Variants in MORN5 observed in about 807,000 individuals in gnomAD.
MORN5 encodes MORN repeat-containing protein 5.
In MORN5, 21 loss-of-function variants were observed where a neutral mutation model predicts 22.1. The observed-to-expected ratio is 0.95, with a 90% confidence interval of 0.67 to 1.37. The LOEUF (loss-of-function observed/expected upper bound fraction) is 1.37, where lower values mean the gene tolerates loss of function less well. Among genes scored for constraint, MORN5 ranks in the 40% most tolerant of loss-of-function variants. The pLI is 0.00. For missense variants in MORN5, 211 were observed against 215.1 expected, an observed-to-expected ratio of 0.98 and a Z score of 0.12; for synonymous variants, 73 against 74.0, an observed-to-expected ratio of 0.99 and a Z score of 0.07.
In MORN5 at chr9:122,191,047, T is replaced by A. The variant is rs7863140; in HGVS notation, c.440-8838T>A. Among the ~76,000 whole-genome samples the A allele has an allele frequency of 9.7e-4, 148 of 152,076 alleles. 1 individual carries two copies. The highest frequency in any genetic ancestry group is 3.4e-3 in the African/African-American group (140 of 41,498). The stretch of plus-strand genomic sequence containing the variant: ...AGACGACAGCCCCTATGACAGAAGC[T>A]TCCTTCCTCCAGGTCCTGGTCCAGC... On this transcript the variant is annotated intron_variant, in intron 4 of 4. Coordinates refer to ENST00000373764, the MANE Select transcript of MORN5 (RefSeq NM_198469.4).
chr9:122,162,257 C>T (rs1199208347), intron 1 of MORN5, among the ~76,000 whole-genome samples: 2 of 150,682 alleles, frequency 1.3e-5, no homozygotes, highest in Admixed American at 7.2e-5. Flanking sequence ...ATGGTAGATA[C>T]TCAATCAATT....
At chr9:122,168,611 G>A (rs2118746125) in intron 2 of MORN5, among the ~76,000 whole-genome samples, 1 of 152,276 alleles carries the variant, frequency 6.6e-6, no homozygotes, top group African/African-American at 2.4e-5. Context: ...TGATGCCCAG[G>A]CCAATGCAAT....
chr9:122,194,913 G>A (rs1302974746), intron 4 of MORN5, among the ~76,000 whole-genome samples: 3 of 151,972 alleles, frequency 2.0e-5, no homozygotes, highest in African/African-American at 2.4e-5. Context: ...CCAGCTACTC[G>A]GGAGGCTGAA....
In MORN5 at chr9:122,159,999, C is replaced by T. The variant is rs757986958; in HGVS notation, c.27C>T (p.Ile9=). The T allele has an allele frequency of 1.2e-6, 2 of 1,613,800 alleles. No individual in the cohort carries two copies. Among genetic ancestry groups the T allele is most frequent in the African/African-American group, 2.7e-5 (2 of 74,914 alleles). ...TGGAGTACACAGGGAGCAAATATAT[C>T]GGGGAATATGTAGATGGGAGGTAAG... MEYTGSKY[I]GEYVDGRMEG... is the part of the protein sequence containing the mutation. The change falls in exon 1 of 5, where the codon ATC becomes ATT. Residue 9 remains isoleucine (I), a synonymous_variant. Coordinates refer to ENST00000373764, the MANE Select transcript of MORN5 (RefSeq NM_198469.4).
chr9:122,173,988 T>C (rs1488697024), intron 3 of MORN5, among the ~76,000 whole-genome samples: 1 of 151,996 alleles, frequency 6.6e-6, no homozygotes, highest in Non-Finnish European at 1.5e-5. Flanking sequence ...TTGGCAAGAG[T>C]CAAAGTTCTC....
chr9:122,199,966 C>G lies in MORN5; in HGVS notation c.*35C>G. 2 of 1,611,918 alleles carry G rather than the reference C, an allele frequency of 1.2e-6. No homozygotes were observed. The highest frequency in any genetic ancestry group is 1.7e-6 in the Non-Finnish European group (2 of 1,177,974). On this transcript the variant is annotated 3_prime_UTR_variant, in exon 5 of 5. Coordinates refer to ENST00000373764, the MANE Select transcript of MORN5 (RefSeq NM_198469.4). ...GTGGGTCACAGGCCCGAGCCGTGAA[C>G]TCTGTGGCTGCCTCCACCAGAGGTT...
intron 4 of MORN5, among the ~76,000 whole-genome samples, chr9:122,182,767 A>G (rs1420939434): frequency 2.0e-5 from 3 of 152,200 alleles, no homozygotes; most frequent in Non-Finnish European, 4.4e-5. Context: ...CAACAAAAAA[A>G]CAGCTTACCT....
intron 4 of MORN5, among the ~76,000 whole-genome samples, chr9:122,185,389 ATT>A (rs34979145): frequency 8.7e-5 from 13 of 149,944 alleles, no homozygotes; most frequent in East Asian, 2.0e-4. Flanking sequence ...TGCCTGGCTA[ATT>A]TTTTTTTTTG....
intron 1 of MORN5, among the ~76,000 whole-genome samples, chr9:122,165,727 C>T (rs1435932309): frequency 6.6e-6 from 1 of 152,218 alleles, no homozygotes; most frequent in East Asian, 1.9e-4. Flanking sequence ...GACTGTGAGC[C>T]CCCCGAGGAC....
chr9:122,170,747 G>A (rs1352620862), intron 3 of MORN5, among the ~76,000 whole-genome samples: 1 of 152,160 alleles, frequency 6.6e-6, no homozygotes, highest in African/African-American at 2.4e-5. Context: ...TCTCATCATG[G>A]AGGGCTACAT....
Position 122,169,529 on chromosome 9 carries a change from G to A in MORN5, c.196-116G>A, listed in dbSNP as rs373988999. ...CGTCACAACCATAATAATTGTGATA[G>A]TTACCACTTCTTTACTGCAGCCATC... On this transcript the variant is annotated intron_variant, in intron 2 of 4. Coordinates refer to ENST00000373764, the MANE Select transcript of MORN5 (RefSeq NM_198469.4). 5.8e-5 allele frequency: 40 copies of A among 692,810 alleles called. No individual in the cohort carries two copies. The African/African-American group carries it at 6.0e-4, about 10-fold the overall frequency. 42.9% of individuals were successfully genotyped at this position (692,810 alleles called of 1,614,324 possible).
At chr9:122,180,529 G>A (rs2104770) in intron 4 of MORN5, among the ~76,000 whole-genome samples, 71,492 of 151,872 alleles carry the variant, frequency 0.47, 17,472 homozygotes, top group African/African-American at 0.53. Context: ...CAGGTGATCC[G>A]CCTGCCTCGG....
At position 122,160,054 on chromosome 9, in the gene MORN5, G is replaced by C. The variant is rs367674176; in HGVS notation, c.47+35G>C. ...TCATTTGATTCACTTACTATACCTT[G>C]AATAGCTGTGACTGGAAAAAGACGG... On this transcript the variant is annotated intron_variant, in intron 1 of 4. Coordinates refer to ENST00000373764, the MANE Select transcript of MORN5 (RefSeq NM_198469.4). 1.2e-3 allele frequency: 1,843 copies of C among 1,580,784 alleles called. 3 individuals are homozygous for C. The highest frequency in any genetic ancestry group is 1.5e-3 in the Non-Finnish European group (1,688 of 1,157,132).
intron 4 of MORN5, among the ~76,000 whole-genome samples, chr9:122,193,416 C>T (rs913383134): frequency 6.6e-6 from 1 of 152,144 alleles, no homozygotes; most frequent in African/African-American, 2.4e-5. Context: ...GAAATCCCAT[C>T]TCTACTAAAA....
chr9:122,170,370 A>G (rs1046862492), intron 3 of MORN5, among the ~76,000 whole-genome samples: 1 of 152,182 alleles, frequency 6.6e-6, no homozygotes, highest in Non-Finnish European at 1.5e-5. Flanking sequence ...AAATAAGATA[A>G]TTCATGTCAG....
intron 4 of MORN5, among the ~76,000 whole-genome samples, chr9:122,185,069 T>TC (rs1829593825): frequency 6.6e-6 from 1 of 152,124 alleles, no homozygotes; most frequent in Non-Finnish European, 1.5e-5. Context: ...CTTTTTTTTT[T>TC]CTTTGAGACG....
intron 4 of MORN5, among the ~76,000 whole-genome samples, chr9:122,195,427 T>G (rs750131137): frequency 1.3e-5 from 2 of 152,210 alleles, no homozygotes; most frequent in African/African-American, 2.4e-5. Context: ...CCATCCTGTC[T>G]CCTTAGGCTC....
At chr9:122,191,441 T>A (rs1046601238) in intron 4 of MORN5, among the ~76,000 whole-genome samples, 1 of 152,206 alleles carries the variant, frequency 6.6e-6, no homozygotes, top group Non-Finnish European at 1.5e-5. Context: ...TCCCATCAGT[T>A]TCCTCATCTT....
At chr9:122,173,913 TAA>T (rs1223556858) in intron 3 of MORN5, among the ~76,000 whole-genome samples, 1 of 152,196 alleles carries the variant, frequency 6.6e-6, no homozygotes, top group Non-Finnish European at 1.5e-5. Context: ...CAGGATTAAA[TAA>T]AAGAGGAGCA....
Sources: allele counts gnomAD v4.1 joint callset (sites outside exome capture counted in the v4.1 genomes callset), GRCh38; gene constraint gnomAD v4.1.1; transcripts MANE v1.5; gene names NCBI Gene and HGNC (gene_info 2026-07-23, HGNC 2026-07-21).